RIOK1: variants seen among roughly 807,000 people sequenced by gnomAD.
The protein encoded by RIOK1 is RIO kinase 1.
RIOK1 carries 66 observed loss-of-function variants against 73.5 expected under a neutral mutation model. That is an observed-to-expected ratio of 0.90 (90% CI 0.74 to 1.10). RIOK1 has a LOEUF of 1.10. Ranked by LOEUF, RIOK1 falls within the 50% of genes least tolerant of loss-of-function variation. RIOK1 has a pLI of 0.00. For missense variants in RIOK1, 658 were observed against 699.8 expected (o/e 0.94, Z 0.67); for synonymous variants, 224 against 226.8 (o/e 0.99, Z 0.11).
chr6:7,403,847 T>C (rs1003188879), intron 8 of RIOK1, 94 bp from the exon 9 acceptor site: 1 of 780,780 alleles, frequency 1.3e-6, no homozygotes, highest in East Asian at 2.5e-5. Context: ...TGCTATTTCT[T>C]AACAGCAATA....
intron 1 of RIOK1, among the ~76,000 whole-genome samples, chr6:7,392,694 C>G (rs1422562351): frequency 6.6e-6 from 1 of 151,976 alleles, no homozygotes; most frequent in African/African-American, 2.4e-5. Context: ...TTTTTTCCCC[C>G]TTTCTTTTTT....
Position 7,417,328 on chromosome 6 carries a change from C to T in RIOK1, c.1597-3C>T, listed in dbSNP as rs1762032128. Reference sequence around the variant, plus strand: ...AGTTGGCTTTTTTGTTTGTTTTTTACAGGAAAGAAAAAAGATGGTCAAGGA... The same window carrying T: ...AGTTGGCTTTTTTGTTTGTTTTTTATAGGAAAGAAAAAAGATGGTCAAGGA... On this transcript the variant is annotated splice_region_variant and splice_polypyrimidine_tract_variant and intron_variant, in intron 16 of 16. Coordinates refer to ENST00000379834, the MANE Select transcript of RIOK1 (RefSeq NM_031480.3). 2.0e-6 allele frequency: 3 copies of T among 1,496,628 alleles called. No homozygotes were observed. Among genetic ancestry groups the T allele is most frequent in the East Asian group, 4.7e-5 (2 of 42,724 alleles). 92.7% of individuals were successfully genotyped at this position (1,496,628 alleles called of 1,614,324 possible).
chr6:7,403,879 G>A, intron 8 of RIOK1, 62 bp from the exon 9 acceptor site: 1 of 1,120,566 alleles, frequency 8.9e-7, no homozygotes, highest in South Asian at 1.3e-5. Context: ...ACCTGCAGTT[G>A]TAATTTATTT....
At chr6:7,416,811 C>T (rs536118657) in intron 16 of RIOK1, among the ~76,000 whole-genome samples, 2 of 151,682 alleles carry the variant, frequency 1.3e-5, no homozygotes, top group South Asian at 2.1e-4. Flanking sequence ...CAGAGTGAGT[C>T]CCTGTCTCTA....
Position 7,405,076 on chromosome 6 carries a change from C to T in RIOK1, c.1096+55C>T, listed in dbSNP as rs769929342. On this transcript the variant is annotated intron_variant, in intron 11 of 16. Coordinates refer to ENST00000379834, the MANE Select transcript of RIOK1 (RefSeq NM_031480.3). Reference sequence around the variant, plus strand: ...CTCATTGGTCTGTTTTGGTTTTGTACTCAGTTAAGCTGTTGGCGTAAAATT... The same window carrying T: ...CTCATTGGTCTGTTTTGGTTTTGTATTCAGTTAAGCTGTTGGCGTAAAATT... 3.5e-6 allele frequency: 5 copies of T among 1,436,462 alleles called. No homozygotes were observed. The Admixed American group carries it at 9.1e-5, about 26-fold the overall frequency. 89.0% of individuals were successfully genotyped at this position (1,436,462 alleles called of 1,614,324 possible).
intron 8 of RIOK1, among the ~76,000 whole-genome samples, chr6:7,403,454 T>C (rs1477878817): frequency 6.6e-6 from 1 of 152,224 alleles, no homozygotes; most frequent in Non-Finnish European, 1.5e-5. Flanking sequence ...CTGAAAATTA[T>C]GGAGTTTTAA....
At chr6:7,408,639 G>A (rs892930525) in intron 12 of RIOK1, among the ~76,000 whole-genome samples, 1 of 151,974 alleles carries the variant, frequency 6.6e-6, no homozygotes, top group African/African-American at 2.4e-5. Flanking sequence ...CCCATAGTAG[G>A]CAATCACATC....
chr6:7,407,149 C>A (rs1191145825), intron 12 of RIOK1, among the ~76,000 whole-genome samples: 1 of 152,162 alleles, frequency 6.6e-6, no homozygotes, highest in Non-Finnish European at 1.5e-5. Context: ...CGAATATACA[C>A]CCAGAAGTAG....
At chr6:7,411,573 G>C in intron 14 of RIOK1, 122 bp downstream of exon 14, 1 of 1,003,012 alleles carries the variant, frequency 1.0e-6, no homozygotes, top group Non-Finnish European at 1.5e-6. Context: ...CTAGTGAAAT[G>C]ACTAACTCTA....
chr6:7,390,135 G>A, intron 1 of RIOK1, 62 bp downstream of exon 1: 1 of 1,417,278 alleles, frequency 7.1e-7, no homozygotes, highest in East Asian at 2.5e-5. Context: ...CCCCCTTGGG[G>A]TGTGGACTCT....
chr6:7,393,042 A>G, intron 1 of RIOK1, 57 bp from the exon 2 acceptor site: 1 of 1,488,368 alleles, frequency 6.7e-7, no homozygotes, highest in South Asian at 1.2e-5. Flanking sequence ...AATATGTGAG[A>G]TCAGTTAGGG....
chr6:7,395,589 A>G (rs192455947), intron 3 of RIOK1, among the ~76,000 whole-genome samples: 16 of 152,246 alleles, frequency 1.1e-4, no homozygotes, highest in Admixed American at 1.0e-3. Flanking sequence ...GAAAATAAAA[A>G]TCGTAATTTA....
chr6:7,401,012 A>G lies in RIOK1; in HGVS notation c.535A>G (p.Ile179Val). 1 of 1,610,862 alleles carries G rather than the reference A, an allele frequency of 6.2e-7. No individual in the cohort carries two copies. The highest frequency in any genetic ancestry group is 8.5e-7 in the Non-Finnish European group (1 of 1,177,666). The change falls in exon 6 of 17, where the codon ATA (isoleucine) becomes GTA (valine). Residue 179 changes from isoleucine to valine, a missense_variant. Coordinates refer to ENST00000379834, the MANE Select transcript of RIOK1 (RefSeq NM_031480.3). Reference sequence around the variant, plus strand: ...ATTCAAGATGTTGACTAGAGGAATCATAACAGAGATAAATGGCTGCATTAG... The same window carrying G: ...ATTCAAGATGTTGACTAGAGGAATCGTAACAGAGATAAATGGCTGCATTAG... Reference protein sequence around the residue: ...ILFKMLTRGIITEINGCISTG... With the variant: ...ILFKMLTRGIVTEINGCISTG...
chr6:7,392,994 C>A (rs1420459847), intron 1 of RIOK1, 105 bp from the exon 2 acceptor site: 21 of 1,316,460 alleles, frequency 1.6e-5, no homozygotes, highest in Non-Finnish European at 9.0e-6. Flanking sequence ...AATATATAAT[C>A]TTTTAGATTT....
chr6:7,412,929 CAGG>C lies in RIOK1; in HGVS notation c.1433_1435del (p.Gly478del), dbSNP rs778398120. 50 of 1,557,148 alleles carry C rather than the reference CAGG, an allele frequency of 3.2e-5. No homozygotes were observed. Among genetic ancestry groups the C allele is most frequent in the Non-Finnish European group, 4.1e-5 (47 of 1,155,778 alleles). Reference sequence around the variant, plus strand: ...GTTACAGGATTGAAGAAAGATTTGTCAGGAGTTCAGAAGGTATGAAGAACATGT... The same window carrying C: ...GTTACAGGATTGAAGAAAGATTTGTCAGTTCAGAAGGTATGAAGAACATGT... On this transcript the variant is annotated inframe_deletion, in exon 15 of 17. Transcript: ENST00000379834.
chr6:7,416,080 G>T (rs893090899), intron 16 of RIOK1, among the ~76,000 whole-genome samples: 1 of 152,128 alleles, frequency 6.6e-6, no homozygotes, highest in South Asian at 2.1e-4. Context: ...TTAATCCCTA[G>T]CCATAGACAT....
chr6:7,411,583 A>T, intron 14 of RIOK1, 132 bp downstream of exon 14: 1 of 922,356 alleles, frequency 1.1e-6, no homozygotes, highest in Non-Finnish European at 1.7e-6. Context: ...GACTAACTCT[A>T]TCTGTGTTAA....
intron 4 of RIOK1, among the ~76,000 whole-genome samples, chr6:7,397,465 A>G (rs1435286834): frequency 6.6e-6 from 1 of 152,230 alleles, no homozygotes; most frequent in Non-Finnish European, 1.5e-5. Flanking sequence ...ATTTAAGGGA[A>G]GACTATGAAC....
At chr6:7,416,851 C>T (rs558820183) in intron 16 of RIOK1, among the ~76,000 whole-genome samples, 1 of 151,966 alleles carries the variant, frequency 6.6e-6, no homozygotes, top group Non-Finnish European at 1.5e-5. Flanking sequence ...CAGTTTTCAC[C>T]CCAAGTTCCT....
Sources: gnomAD v4.1 joint callset for allele counts (sites outside exome capture counted in the v4.1 genomes callset) on GRCh38, gnomAD v4.1.1 for gene constraint, MANE v1.5 for transcripts, NCBI Gene and HGNC (gene_info 2026-07-23, HGNC 2026-07-21) for gene names.